SSPN: variants seen among roughly 807,000 people sequenced by gnomAD.
SSPN encodes the protein sarcospan.
In SSPN, 15 loss-of-function variants were observed where a neutral mutation model predicts 19.1. The observed-to-expected ratio is 0.78, with a 90% CI of 0.52 to 1.21. The LOEUF (loss-of-function observed/expected upper bound fraction) is 1.21, where lower values mean the gene tolerates loss of function less well. SSPN is among the 50% of genes most tolerant of loss of function. The pLI is 0.00. For missense variants in SSPN, 291 were observed against 314.0 expected (o/e 0.93, Z 0.55); for synonymous variants, 147 against 140.3 (o/e 1.05, Z -0.34).
At chr12:26,208,722 T>C (rs1264024234) in intron 1 of SSPN, among the ~76,000 whole-genome samples, 1 of 152,140 alleles carries the variant, frequency 6.6e-6, no homozygotes, top group African/African-American at 2.4e-5. Context: ...CATATCTTTA[T>C]TATAAGTGGT....
chr12:26,141,393 GT>G (rs1172068178), intron 1 of SSPN, among the ~76,000 whole-genome samples: 1 of 152,178 alleles, frequency 6.6e-6, no homozygotes, highest in Non-Finnish European at 1.5e-5. Flanking sequence ...AACATCTTGA[GT>G]TTAGCCCAAT....
At position 26,195,678 on chromosome 12, in the gene SSPN, C is replaced by T. The variant is rs1944821054; in HGVS notation, c.6C>T (p.Gly2=). The change falls in exon 1 of 3, where the codon GGC becomes GGT. Residue 2 remains glycine, a synonymous_variant. Transcript: ENST00000242729. The stretch of plus-strand genomic sequence containing the variant: ...CCACCCAGCCTCGCAGCGCCATGGG[C>T]AAGAACAAGCAGCCACGCGGCCAGC... M[G]KNKQPRGQQR... 9.4e-7 allele frequency: 1 copy of T among 1,063,718 alleles called. No homozygotes were observed. Among genetic ancestry groups the T allele is most frequent in the South Asian group, 2.2e-5 (1 of 45,700 alleles). The allele number at this position is 1,063,718 out of a possible 1,614,324, so 65.9% of individuals were successfully genotyped here. A position where few individuals can be genotyped will look rare whatever the true frequency, so the allele number is the denominator to read the frequency against.
Position 26,151,383 on chromosome 12 carries a change from A to C in SSPN, c.-31+29231A>C, listed in dbSNP as rs1272802236. 4.6e-5 allele frequency among the ~76,000 whole-genome samples: 7 copies of C among 151,170 alleles called. No individual in the cohort carries two copies. The East Asian group carries it at 8.0e-4, about 17-fold the overall frequency. Reference sequence around the variant, plus strand: ...CTATTTAGATCTCTTCTCAACCATAAAAAAAAAATCACATGCATTGTGTTA... The same window carrying C: ...CTATTTAGATCTCTTCTCAACCATACAAAAAAAATCACATGCATTGTGTTA... On this transcript the variant is annotated intron_variant, in intron 1 of 2. Coordinates refer to the SSPN transcript ENST00000538142.
intron 1 of SSPN, among the ~76,000 whole-genome samples, chr12:26,181,490 T>C (rs1333278532): frequency 6.6e-6 from 1 of 152,220 alleles, no homozygotes; most frequent in African/African-American, 2.4e-5. Context: ...CAGTGGTGGC[T>C]TAAAAAGGGA....
chr12:26,205,042 C>T (rs1944919139), intron 1 of SSPN, among the ~76,000 whole-genome samples: 1 of 152,136 alleles, frequency 6.6e-6, no homozygotes, highest in South Asian at 2.1e-4. Context: ...CTGGGGCTGG[C>T]AAAAGTCCAG....
chr12:26,123,304 G>T, intron 1 of SSPN: 1 of 1,233,662 alleles, frequency 8.1e-7, no homozygotes, highest in Non-Finnish European at 1.1e-6. Context: ...GTATTCAAGT[G>T]ATATAATCCA....
chr12:26,142,809 A>C (rs1308285695), intron 1 of SSPN, among the ~76,000 whole-genome samples: 1 of 152,240 alleles, frequency 6.6e-6, no homozygotes, highest in Non-Finnish European at 1.5e-5. Flanking sequence ...AAGAAGGAAT[A>C]GTCAGAGAAG....
At chr12:26,203,557 T>C (rs1021017581) in intron 1 of SSPN, among the ~76,000 whole-genome samples, 4 of 152,216 alleles carry the variant, frequency 2.6e-5, no homozygotes, top group African/African-American at 4.8e-5. Context: ...TCTCTGTGTA[T>C]TGAGATAAAA....
chr12:26,154,125 A>T (rs1024620785), intron 1 of SSPN, among the ~76,000 whole-genome samples: 4 of 152,112 alleles, frequency 2.6e-5, no homozygotes, highest in Non-Finnish European at 5.9e-5. Flanking sequence ...TTTCTCTTGA[A>T]CCCGAGCAGT....
chr12:26,229,367 T>TACACCC (rs1280133683), intron 2 of SSPN, among the ~76,000 whole-genome samples: 1 of 152,168 alleles, frequency 6.6e-6, no homozygotes, highest in Non-Finnish European at 1.5e-5. Flanking sequence ...AACCAGTATG[T>TACACCC]ACACCCACAC....
chr12:26,148,158 C>T (rs756149117), intron 1 of SSPN, among the ~76,000 whole-genome samples: 3 of 152,100 alleles, frequency 2.0e-5, no homozygotes, highest in Non-Finnish European at 4.4e-5. Context: ...TTATTGAGGA[C>T]CTATCTGCAC....
intron 1 of SSPN, among the ~76,000 whole-genome samples, chr12:26,200,885 C>G (rs947253757): frequency 5.1e-4 from 77 of 151,460 alleles, no homozygotes; most frequent in African/African-American, 1.7e-3. Context: ...CATGGCCCAA[C>G]TCAATCTCCA....
In SSPN at chr12:26,122,495, G is replaced by C. The variant is rs1238502679; in HGVS notation, c.-31+343G>C. On this transcript the variant is annotated intron_variant, in intron 1 of 2. Transcript: ENST00000538142. ...GGCAGAAGGGGGCCGCGGCGGCCGC[G>C]GGCTGCGGGAAGGGCGCGCCTCCGC... 3.8e-6 allele frequency: 5 copies of C among 1,323,008 alleles called. No homozygotes were observed. In the African/African-American group the frequency reaches 7.7e-5, roughly 20 times the overall value. 82.0% of individuals were successfully genotyped at this position (1,323,008 alleles called of 1,614,324 possible).
chr12:26,165,664 T>C (rs963198340), intron 1 of SSPN, among the ~76,000 whole-genome samples: 9 of 152,228 alleles, frequency 5.9e-5, no homozygotes, highest in African/African-American at 1.9e-4. Flanking sequence ...GTTTTCCTTT[T>C]CTCTAGTCAC....
chr12:26,124,937 TC>T lies in SSPN; in HGVS notation c.-31+2793del, dbSNP rs200202440. 574 of 751,450 alleles carry T rather than the reference TC, an allele frequency of 7.6e-4. 2 individuals are homozygous for T. The East Asian group carries it at 0.011, about 14-fold the overall frequency. The allele number at this position is 751,450 out of a possible 1,614,324, so 46.5% of individuals were successfully genotyped here. On this transcript the variant is annotated intron_variant, in intron 1 of 2. Coordinates refer to the SSPN transcript ENST00000538142. ...AGTGTTGAAAGTGTGAAGCAGTTGG[TC>T]CCCCCCCTCCACCGCGCTCGCACAC... is the stretch of plus-strand genomic sequence containing the variant.
intron 1 of SSPN, among the ~76,000 whole-genome samples, chr12:26,128,526 T>A (rs1376506337): frequency 6.6e-6 from 1 of 152,242 alleles, no homozygotes; most frequent in East Asian, 1.9e-4. Context: ...AGCCAAGCTC[T>A]AATGTGAAGA....
chr12:26,182,873 C>G (rs2061013703), intron 1 of SSPN, among the ~76,000 whole-genome samples: 1 of 151,650 alleles, frequency 6.6e-6, no homozygotes. Context: ...AGTGATTCTC[C>G]AGCCTCAGCC....
intron 1 of SSPN, among the ~76,000 whole-genome samples, chr12:26,162,814 A>T (rs1944597138): frequency 6.6e-6 from 1 of 152,252 alleles, no homozygotes; most frequent in Non-Finnish European, 1.5e-5. Flanking sequence ...TTTTCATGAC[A>T]GAAGGAGAAA....
rs375605703 is a variant in SSPN, at chr12:26,137,789, C to T, written c.-31+15637C>T. ...AAGCGATTCTCCTACCTCAGCCTCC[C>T]GAGTAGCTGGGATTACAGGGGCCCC... is the stretch of plus-strand genomic sequence containing the variant. On this transcript the variant is annotated intron_variant, in intron 1 of 2. Coordinates refer to the SSPN transcript ENST00000538142. Among the ~76,000 whole-genome samples the T allele has an allele frequency of 8.0e-5, 12 of 149,872 alleles. No homozygotes were observed. In the East Asian group the frequency reaches 9.9e-4, roughly 12 times the overall value.
Sources: gnomAD v4.1 joint callset for allele counts (sites outside exome capture counted in the v4.1 genomes callset) on GRCh38, gnomAD v4.1.1 for gene constraint, MANE v1.5 for transcripts, NCBI Gene and HGNC (gene_info 2026-07-23, HGNC 2026-07-21) for gene names.